The following CTNNA2 variants were observed in gnomAD, a reference collection of about 807,000 sequenced individuals.
CTNNA2 encodes the protein catenin alpha 2.
Under a neutral mutation model 101.0 loss-of-function variants are expected in CTNNA2, and 42 were observed. The ratio of observed to expected loss-of-function variants is 0.42; its 90% CI spans 0.32 to 0.54. The LOEUF is 0.54. CTNNA2 is among the 20% of genes least tolerant of loss of function. The probability of loss-of-function intolerance (pLI) is 0.14; values close to 1 mark genes in which losing one functional copy is unlikely to be tolerated. For synonymous variants in CTNNA2, 450 were observed against 456.4 expected, an observed-to-expected ratio of 0.99 and a Z score of 0.18; for missense variants, 871 against 1,223.1, an observed-to-expected ratio of 0.71 and a Z score of 4.29.
chr2:79,311,199 G>A (rs1000228575), intron 2 of CTNNA2, among the ~76,000 whole-genome samples: 4 of 152,058 alleles, frequency 2.6e-5, no homozygotes, highest in African/African-American at 9.7e-5. Context: ...CACGAGGTCA[G>A]GAGATCGAGA....
intron 2 of CTNNA2, among the ~76,000 whole-genome samples, chr2:79,676,324 G>A (rs1558827910): frequency 2.0e-5 from 3 of 152,096 alleles, no homozygotes; most frequent in African/African-American, 7.2e-5. Context: ...CCTAAGCCAG[G>A]GCAATGAGGG....
At chr2:80,644,563 C>T (rs972562686) in intron 18 of CTNNA2, among the ~76,000 whole-genome samples, 1 of 152,052 alleles carries the variant, frequency 6.6e-6, no homozygotes, top group African/African-American at 2.4e-5. Context: ...ATAAAGAAAC[C>T]CATTTTTAAA....
At chr2:79,840,910 C>G (rs780720240) in intron 3 of CTNNA2, among the ~76,000 whole-genome samples, 71 of 152,268 alleles carry the variant, frequency 4.7e-4, no homozygotes, top group Non-Finnish European at 9.0e-4. Flanking sequence ...GCTGGGACTA[C>G]AGGCGCCCGC....
chr2:80,629,644 T>C (rs1373446208), intron 18 of CTNNA2, among the ~76,000 whole-genome samples: 1 of 152,218 alleles, frequency 6.6e-6, no homozygotes, highest in Non-Finnish European at 1.5e-5. Context: ...CTGGGTTTGC[T>C]TCTTCAGGCT....
chr2:79,808,254 G>A (rs1439995398), intron 3 of CTNNA2, among the ~76,000 whole-genome samples: 2 of 152,162 alleles, frequency 1.3e-5, no homozygotes, highest in Non-Finnish European at 2.9e-5. Flanking sequence ...GGGGTTGCAT[G>A]TATGAAAGAG....
At chr2:79,891,788 A>G (rs1558617691) in intron 6 of CTNNA2, among the ~76,000 whole-genome samples, 1 of 152,202 alleles carries the variant, frequency 6.6e-6, no homozygotes, top group Non-Finnish European at 1.5e-5. Flanking sequence ...AGGAAGAAAC[A>G]AATTTATACT....
chr2:80,411,270 C>T (rs1223034332), intron 8 of CTNNA2, among the ~76,000 whole-genome samples: 1 of 152,128 alleles, frequency 6.6e-6, no homozygotes, highest in Non-Finnish European at 1.5e-5. Flanking sequence ...CTATCTTAGA[C>T]CACAAGTTCT....
intron 1 of CTNNA2, among the ~76,000 whole-genome samples, chr2:79,621,553 T>C (rs1678999682): frequency 5.3e-5 from 8 of 152,068 alleles, no homozygotes; most frequent in Admixed American, 5.2e-4. Flanking sequence ...GCCCCAAGTA[T>C]GAAATAAACA....
intron 1 of CTNNA2, among the ~76,000 whole-genome samples, chr2:79,639,928 A>G (rs988841634): frequency 5.6e-5 from 8 of 142,302 alleles, no homozygotes; most frequent in South Asian, 2.3e-4. Context: ...TATTTTAACT[A>G]TAATTGTGTG....
intron 18 of CTNNA2, among the ~76,000 whole-genome samples, chr2:80,635,971 CTTT>C (rs60757492): frequency 1.7e-5 from 2 of 115,648 alleles, no homozygotes; most frequent in Admixed American, 9.1e-5. Flanking sequence ...ATGCCCATTG[CTTT>C]TTTTTTTTTT....
In CTNNA2 at chr2:80,043,155, TTCCTTCCTTCCTTCCTTCCTTCCTTC is replaced by T. The variant is rs1427298997; in HGVS notation, c.1056+133359_1056+133384del. ...CTTCCTTCCTTCCTTCCTTCCTTCC[TTCCTTCCTTCCTTCCTTCCTTCCTTC>T]CTTTCTTTCTTTCTTTCTCTCTCTC... On this transcript the variant is annotated intron_variant, in intron 7 of 18. Coordinates refer to ENST00000402739, the MANE Select transcript of CTNNA2 (RefSeq NM_001282597.3). 4.6e-3 allele frequency among the ~76,000 whole-genome samples: 391 copies of T among 84,602 alleles called. 9 individuals are homozygous for T. The highest frequency in any genetic ancestry group is 0.017 in the African/African-American group (375 of 22,324). 55.5% of individuals were successfully genotyped at this position (84,602 alleles called of 152,430 possible).
At chr2:80,308,820 C>A (rs1045914959) in intron 7 of CTNNA2, among the ~76,000 whole-genome samples, 2 of 152,026 alleles carry the variant, frequency 1.3e-5, no homozygotes, top group Admixed American at 1.3e-4. Flanking sequence ...TGACTCATGC[C>A]TGTAATCCCA....
chr2:80,052,698 A>G (rs1455562974), intron 7 of CTNNA2, among the ~76,000 whole-genome samples: 1 of 152,238 alleles, frequency 6.6e-6, no homozygotes, highest in African/African-American at 2.4e-5. Context: ...ACTATGAATT[A>G]TCATCCGTAG....
At chr2:80,051,968 TG>T (rs1459617197) in intron 7 of CTNNA2, among the ~76,000 whole-genome samples, 2 of 152,210 alleles carry the variant, frequency 1.3e-5, no homozygotes, top group African/African-American at 4.8e-5. Flanking sequence ...TAAACAAAAC[TG>T]TGTTCAACTA....
intron 3 of CTNNA2, among the ~76,000 whole-genome samples, chr2:79,824,064 G>C (rs1219086697): frequency 6.6e-6 from 1 of 152,312 alleles, no homozygotes; most frequent in Middle Eastern, 3.4e-3. Flanking sequence ...TGAAAAGCAT[G>C]TAGGGAGAAA....
intron 4 of CTNNA2, among the ~76,000 whole-genome samples, chr2:79,473,848 T>A (rs542534849): frequency 2.0e-5 from 3 of 152,262 alleles, no homozygotes; most frequent in African/African-American, 7.2e-5. Context: ...AAATAAAATA[T>A]ACTTTTTAAC....
At chr2:79,863,512 G>T (rs532644816) in intron 4 of CTNNA2, among the ~76,000 whole-genome samples, 1 of 152,122 alleles carries the variant, frequency 6.6e-6, no homozygotes, top group Non-Finnish European at 1.5e-5. Flanking sequence ...GAAAGAGTTG[G>T]CCCCATCACA....
intron 7 of CTNNA2, among the ~76,000 whole-genome samples, chr2:80,017,807 G>A (rs931445337): frequency 1.3e-5 from 2 of 152,012 alleles, no homozygotes; most frequent in Non-Finnish European, 2.9e-5. Flanking sequence ...ATTCCTCCCT[G>A]TCACAGTAAG....
chr2:79,813,864 G>C (rs1229182327), intron 3 of CTNNA2, among the ~76,000 whole-genome samples: 1 of 152,168 alleles, frequency 6.6e-6, no homozygotes, highest in Non-Finnish European at 1.5e-5. Flanking sequence ...GAAATATATT[G>C]TTTTGTGCTT....
Sources: allele counts gnomAD v4.1 joint callset (sites outside exome capture counted in the v4.1 genomes callset), GRCh38; gene constraint gnomAD v4.1.1; transcripts MANE v1.5; gene names NCBI Gene and HGNC (gene_info 2026-07-23, HGNC 2026-07-21).